The following ADGB variants were observed in gnomAD, a reference collection of about 807,000 sequenced individuals.
ADGB encodes the protein androglobin.
A neutral mutation model predicts 210.5 loss-of-function variants in ADGB; 172 were observed. The ratio of observed to expected loss-of-function variants is 0.82; its 90% CI spans 0.72 to 0.93. The LOEUF is 0.93. ADGB is among the 40% of genes least tolerant of loss of function. The pLI is 0.00. For synonymous variants in ADGB, 658 were observed against 662.7 expected, an observed-to-expected ratio of 0.99 and a Z score of 0.11; for missense variants, 2,025 against 1,964.8, an observed-to-expected ratio of 1.03 and a Z score of -0.58.
chr6:146,608,208 G>C (rs1030817945), intron 1 of ADGB, among the ~76,000 whole-genome samples: 4 of 151,960 alleles, frequency 2.6e-5, no homozygotes, highest in African/African-American at 9.7e-5. Flanking sequence ...AATAGTCTCT[G>C]AGGTTTTGTG....
chr6:146,616,744 G>C (rs926818829), intron 1 of ADGB, among the ~76,000 whole-genome samples: 1 of 152,096 alleles, frequency 6.6e-6, no homozygotes, highest in Non-Finnish European at 1.5e-5. Flanking sequence ...GGCTGTAAAT[G>C]TGTGGAATTA....
chr6:146,760,721 C>A (rs752406087), intron 27 of ADGB, among the ~76,000 whole-genome samples: 2 of 151,874 alleles, frequency 1.3e-5, no homozygotes, highest in African/African-American at 2.4e-5. Context: ...ACATTCCCGA[C>A]AAGGTATAAA....
At chr6:146,651,321 C>T (rs1216463279) in intron 3 of ADGB, among the ~76,000 whole-genome samples, 1 of 152,200 alleles carries the variant, frequency 6.6e-6, no homozygotes, top group Non-Finnish European at 1.5e-5. Context: ...TTGAAACACA[C>T]AGTGTCTCAC....
At chr6:146,782,329 G>T in intron 30 of ADGB, 137 bp downstream of exon 30, 1 of 896,098 alleles carries the variant, frequency 1.1e-6, no homozygotes, top group African/African-American at 1.7e-5. Flanking sequence ...GATACTTTGA[G>T]GACATTCCTT....
intron 29 of ADGB, among the ~76,000 whole-genome samples, chr6:146,778,069 C>T (rs191876525): frequency 1.6e-4 from 24 of 152,276 alleles, no homozygotes; most frequent in Admixed American, 5.9e-4. Context: ...GTGAAAATAA[C>T]GAGTTATTCT....
At chr6:146,642,891 T>C (rs78090978) in intron 2 of ADGB, among the ~76,000 whole-genome samples, 3,912 of 151,892 alleles carry the variant, frequency 0.026, 72 homozygotes, top group Middle Eastern at 0.058. Flanking sequence ...CAAATCTTCT[T>C]ATGTACCCCC....
chr6:146,637,537 G>T (rs193263530), intron 2 of ADGB, among the ~76,000 whole-genome samples: 1 of 151,834 alleles, frequency 6.6e-6, no homozygotes, highest in Non-Finnish European at 1.5e-5. Flanking sequence ...CAAGGTAAAG[G>T]GACCCCAATA....
At chr6:146,603,055 A>G (rs1333414838) in intron 1 of ADGB, among the ~76,000 whole-genome samples, 1 of 152,172 alleles carries the variant, frequency 6.6e-6, no homozygotes, top group Non-Finnish European at 1.5e-5. Flanking sequence ...CAATAATCCC[A>G]TCATGAGGTC....
intron 33 of ADGB, among the ~76,000 whole-genome samples, chr6:146,795,181 A>T (rs1051935454): frequency 6.6e-6 from 1 of 152,182 alleles, no homozygotes; most frequent in African/African-American, 2.4e-5. Flanking sequence ...ACCCACAATA[A>T]TCCCTTGGGG....
chr6:146,732,136 C>G (rs1776997236), intron 20 of ADGB, among the ~76,000 whole-genome samples: 1 of 152,124 alleles, frequency 6.6e-6, no homozygotes. Context: ...CCAGACTATT[C>G]TCAGTGATTA....
At chr6:146,744,998 T>G (rs529322424) in intron 25 of ADGB, among the ~76,000 whole-genome samples, 1 of 152,252 alleles carries the variant, frequency 6.6e-6, no homozygotes, top group South Asian at 2.1e-4. Flanking sequence ...TATTATACAT[T>G]TTTTTTACTT....
chr6:146,698,226 A>G (rs1776436801), intron 12 of ADGB, among the ~76,000 whole-genome samples: 1 of 152,230 alleles, frequency 6.6e-6, no homozygotes, highest in South Asian at 2.1e-4. Context: ...TCATTGTTTA[A>G]GAACATTTAA....
chr6:146,752,570 C>T lies in ADGB; in HGVS notation c.3406C>T (p.Gln1136Ter). The T allele has an allele frequency of 1.3e-6, 2 of 1,550,004 alleles. No homozygotes were observed. The highest frequency in any genetic ancestry group is 1.7e-6 in the Non-Finnish European group (2 of 1,146,072). ...KVLTPQPATI[Q>*]VRTSKPDAFI... The stretch of plus-strand genomic sequence containing the variant: ...TCTAACACCACAACCTGCTACAATA[C>T]AGGTACGCACATCCAAACCAGATGC... Residue 1136 changes from glutamine to a stop codon, truncating the protein, a stop_gained, in exon 27 of 36, where the codon CAG becomes TAG. Coordinates refer to ENST00000397944, the MANE Select transcript of ADGB (RefSeq NM_024694.4). LOFTEE classifies it high-confidence loss of function.
At chr6:146,652,885 G>C (rs1278660977) in intron 3 of ADGB, among the ~76,000 whole-genome samples, 1 of 152,110 alleles carries the variant, frequency 6.6e-6, no homozygotes, top group Non-Finnish European at 1.5e-5. Context: ...GGTTGATTTA[G>C]ATTTTAAAGC....
At chr6:146,771,690 T>C (rs1254751925) in intron 29 of ADGB, among the ~76,000 whole-genome samples, 1 of 152,208 alleles carries the variant, frequency 6.6e-6, no homozygotes, top group Non-Finnish European at 1.5e-5. Context: ...AGATAGAGTA[T>C]ATGCCTAATA....
intron 25 of ADGB, 80 bp downstream of exon 25, chr6:146,741,351 G>A (rs1777161465): frequency 2.9e-6 from 4 of 1,367,550 alleles, no homozygotes; most frequent in Admixed American, 2.5e-5. Flanking sequence ...TGAAGGGAGG[G>A]TAGAGTTGTT....
At chr6:146,808,437 T>G (rs1169667925) in intron 35 of ADGB, among the ~76,000 whole-genome samples, 1 of 152,014 alleles carries the variant, frequency 6.6e-6, no homozygotes, top group South Asian at 2.1e-4. Flanking sequence ...AGAGAGCGTG[T>G]GATCTCAAAC....
chr6:146,754,227 T>G (rs1777369581), intron 27 of ADGB, among the ~76,000 whole-genome samples: 1 of 151,274 alleles, frequency 6.6e-6, no homozygotes, highest in Non-Finnish European at 1.5e-5. Flanking sequence ...TCAATGGGTT[T>G]GTATAAATAT....
At chr6:146,741,370 A>G in intron 25 of ADGB, 99 bp downstream of exon 25, 1 of 1,072,046 alleles carries the variant, frequency 9.3e-7, no homozygotes, top group African/African-American at 1.6e-5. Context: ...TTTTTAATCT[A>G]CTTAACAGAC....
Sources: gnomAD v4.1 joint callset for allele counts (sites outside exome capture counted in the v4.1 genomes callset) on GRCh38, gnomAD v4.1.1 for gene constraint, MANE v1.5 for transcripts, NCBI Gene and HGNC (gene_info 2026-07-23, HGNC 2026-07-21) for gene names.